Variants in REEP5 observed in about 807,000 individuals in gnomAD.
REEP5 encodes the protein receptor expression-enhancing protein 5.
Under a neutral mutation model 22.4 loss-of-function variants are expected in REEP5, and 24 were observed. The observed-to-expected ratio is 1.07, with a 90% CI of 0.78 to 1.51. The LOEUF (loss-of-function observed/expected upper bound fraction) is 1.51. Ranked by LOEUF, REEP5 falls within the 40% of genes most tolerant of loss-of-function variation. REEP5 has a pLI of 0.00. For missense variants in REEP5, 252 were observed against 233.0 expected (o/e 1.08, Z -0.53); for synonymous variants, 103 against 88.6 (o/e 1.16, Z -0.92).
chr5:112,879,432 A>C (rs1446642131), intron 4 of REEP5, among the ~76,000 whole-genome samples: 3 of 152,096 alleles, frequency 2.0e-5, no homozygotes, highest in Non-Finnish European at 4.4e-5. Context: ...TGGCATACAT[A>C]GTATTTCCAT....
intron 3 of REEP5, among the ~76,000 whole-genome samples, chr5:112,891,157 C>G (rs972382039): frequency 6.6e-6 from 1 of 151,858 alleles, no homozygotes; most frequent in African/African-American, 2.4e-5. Context: ...ACTGCAACCT[C>G]TGCCTCCTGG....
intron 4 of REEP5, among the ~76,000 whole-genome samples, chr5:112,881,574 C>G (rs1768075970): frequency 6.6e-6 from 1 of 152,142 alleles, no homozygotes; most frequent in African/African-American, 2.4e-5. Flanking sequence ...TTTCTTTCCT[C>G]TCATGACCCT....
In REEP5 at chr5:112,876,919, T is replaced by G. The variant is rs569239418; in HGVS notation, c.*1867A>C. On this transcript the variant is annotated 3_prime_UTR_variant, in exon 5 of 5. Transcript: ENST00000379638. Reference sequence around the variant, plus strand: ...GAGCAATAGTAACTTTTGTACCTCCTCATCTTGTCTGATAATATATTCTAT... The same window carrying G: ...GAGCAATAGTAACTTTTGTACCTCCGCATCTTGTCTGATAATATATTCTAT... The G allele has an allele frequency of 7.2e-5, 11 of 152,212 alleles. No individual in the cohort carries two copies. The highest frequency in any genetic ancestry group is 1.3e-4 in the Non-Finnish European group (9 of 68,012). 9.4% of individuals were successfully genotyped at this position (152,212 alleles called of 1,614,324 possible).
intron 2 of REEP5, among the ~76,000 whole-genome samples, chr5:112,920,418 A>T (rs1386113310): frequency 6.6e-6 from 1 of 152,230 alleles, no homozygotes; most frequent in African/African-American, 2.4e-5. Context: ...GTAGAGCAAA[A>T]CAAAATTCAT....
chr5:112,920,907 T>TA (rs1417882218), intron 2 of REEP5, among the ~76,000 whole-genome samples: 3 of 152,214 alleles, frequency 2.0e-5, no homozygotes, highest in Non-Finnish European at 4.4e-5. Flanking sequence ...GCTTTCCTGT[T>TA]AGTGTGCCAA....
intron 2 of REEP5, among the ~76,000 whole-genome samples, chr5:112,911,405 G>A (rs1050959362): frequency 2.6e-5 from 4 of 152,116 alleles, no homozygotes; most frequent in African/African-American, 9.7e-5. Context: ...TGGTCAAAAT[G>A]TGCTCTTCTT....
rs747436513 is a variant in REEP5, at chr5:112,922,072, C to G, written c.118+1G>C. The G allele has an allele frequency of 1.9e-6, 3 of 1,597,028 alleles. No homozygotes were observed. The highest frequency in any genetic ancestry group is 4.7e-5 in the East Asian group (2 of 42,882). On this transcript the variant is annotated splice_donor_variant, in intron 1 of 4. Coordinates refer to ENST00000379638, the MANE Select transcript of REEP5 (RefSeq NM_005669.5). LOFTEE classifies it high-confidence loss of function. ...AGCGGCGGCGACCCCCGGCCACCCA[C>G]CAAGAGCGATGAAGCTCCTGTTCAC...
At chr5:112,908,791 G>A (rs1008461764) in intron 2 of REEP5, among the ~76,000 whole-genome samples, 3 of 151,288 alleles carry the variant, frequency 2.0e-5, no homozygotes, top group African/African-American at 4.9e-5. Flanking sequence ...TCCTGACCTC[G>A]TGATCCGCCC....
intron 1 of REEP5, chr5:112,921,655 C>T (rs552029615): frequency 4.1e-6 from 1 of 244,892 alleles, no homozygotes; most frequent in Admixed American, 5.6e-5. Context: ...AGTAGCAGCC[C>T]CCGCCCACCC....
At chr5:112,895,740 C>T (rs1768662270) in intron 3 of REEP5, 1 of 152,228 alleles carries the variant, frequency 6.6e-6, no homozygotes. Flanking sequence ...TTACAACCCT[C>T]TCTTCTTAAT....
chr5:112,905,941 T>C (rs1487925024), intron 2 of REEP5, among the ~76,000 whole-genome samples: 1 of 152,166 alleles, frequency 6.6e-6, no homozygotes, highest in Non-Finnish European at 1.5e-5. Context: ...TACCTTCTGA[T>C]TAGACTTCCT....
chr5:112,914,500 C>T (rs1442761990), intron 2 of REEP5, among the ~76,000 whole-genome samples: 1 of 151,850 alleles, frequency 6.6e-6, no homozygotes, highest in African/African-American at 2.4e-5. Context: ...TGCCTGTCCC[C>T]CCAAAAAAAC....
chr5:112,889,061 T>G (rs1186390593), intron 3 of REEP5, among the ~76,000 whole-genome samples: 1 of 150,864 alleles, frequency 6.6e-6, no homozygotes. Flanking sequence ...AGACATCCCT[T>G]TGCTTTTCCT....
intron 3 of REEP5, chr5:112,892,811 A>G: frequency 1.9e-6 from 3 of 1,613,930 alleles, no homozygotes; most frequent in African/African-American, 1.3e-5. Flanking sequence ...CCTAGTCCAG[A>G]CCACACCTAC....
intron 2 of REEP5, among the ~76,000 whole-genome samples, chr5:112,910,537 T>C (rs564035610): frequency 5.4e-4 from 83 of 152,370 alleles, no homozygotes; most frequent in South Asian, 1.0e-3. Context: ...ACTATTTTAT[T>C]ACCATCATGC....
At chr5:112,897,140 A>C (rs1402150351) in intron 3 of REEP5, 1 of 152,188 alleles carries the variant, frequency 6.6e-6, no homozygotes, top group Non-Finnish European at 1.5e-5. Context: ...TAATTGAAAA[A>C]AGCAAGACAC....
intron 3 of REEP5, chr5:112,891,715 G>C (rs1768457486): frequency 1.2e-6 from 2 of 1,613,980 alleles, no homozygotes; most frequent in African/African-American, 2.7e-5. Flanking sequence ...AAAGTACAGG[G>C]CCGCCCTGAA....
rs761692699 is a variant in REEP5 at position 112,887,186 on chromosome 5, G to A, written c.352-3C>T. On this transcript the variant is annotated splice_polypyrimidine_tract_variant and splice_region_variant and intron_variant, in intron 3 of 4. Coordinates refer to ENST00000379638, the MANE Select transcript of REEP5 (RefSeq NM_005669.5). ...ATGCACCACAACAGGAAGCCACACT[G>A]CACAGAAAAAGAGCCAGCATGGGTA... 6.3e-7 allele frequency: 1 copy of A among 1,578,746 alleles called. No homozygotes were observed. Among genetic ancestry groups the A allele is most frequent in the South Asian group, 1.1e-5 (1 of 87,638 alleles).
chr5:112,892,839 C>A (rs751324905), intron 3 of REEP5: 5 of 1,613,050 alleles, frequency 3.1e-6, no homozygotes, highest in Non-Finnish European at 3.4e-6. Context: ...ATGGGGAATC[C>A]GAGAGAAAAA....
Sources: allele counts gnomAD v4.1 joint callset (sites outside exome capture counted in the v4.1 genomes callset), GRCh38; gene constraint gnomAD v4.1.1; transcripts MANE v1.5; gene names NCBI Gene and HGNC (gene_info 2026-07-23, HGNC 2026-07-21).